Variants in SF3A3 observed in about 807,000 individuals in gnomAD.
SF3A3 encodes SAP 61.
A neutral mutation model predicts 85.8 loss-of-function variants in SF3A3; 9 were observed. That is an observed-to-expected ratio of 0.10 (90% confidence interval 0.06 to 0.18). The LOEUF (loss-of-function observed/expected upper bound fraction) is 0.18, where lower values mean the gene tolerates loss of function less well. Ranked by LOEUF, SF3A3 falls within the 10% of genes least tolerant of loss-of-function variation. The pLI is 1.00. For missense variants in SF3A3, 306 were observed against 593.3 expected (o/e 0.52, Z 5.03); for synonymous variants, 195 against 204.4 (o/e 0.95, Z 0.39).
At chr1:37,964,847 A>C (rs1176539220) in intron 15 of SF3A3, among the ~76,000 whole-genome samples, 1 of 152,040 alleles carries the variant, frequency 6.6e-6, no homozygotes, top group Non-Finnish European at 1.5e-5. Flanking sequence ...GGGCACTTCT[A>C]TTTTTCCCTT....
chr1:37,967,777 T>C lies in SF3A3; in HGVS notation c.1372+267A>G, dbSNP rs531477114. On this transcript the variant is annotated intron_variant, in intron 15 of 16. Transcript: ENST00000373019. ...CGGTAGGCTGAGGCAGGAGAATCGC[T>C]TGCGCCCGGGAGGCAGAGGTTGCAG... Among the ~76,000 whole-genome samples the C allele has an allele frequency of 2.0e-5, 3 of 150,650 alleles. No homozygotes were observed. The South Asian group carries it at 6.3e-4, about 32-fold the overall frequency.
chr1:37,958,616 C>G (rs1014668197), intron 16 of SF3A3, among the ~76,000 whole-genome samples: 1 of 152,186 alleles, frequency 6.6e-6, no homozygotes, highest in African/African-American at 2.4e-5. Context: ...TCAAATGGTT[C>G]CCAAGAATCC....
At chr1:37,962,780 T>TAA (rs5773608) in intron 15 of SF3A3, among the ~76,000 whole-genome samples, 1 of 143,612 alleles carries the variant, frequency 7.0e-6, no homozygotes, top group Non-Finnish European at 1.5e-5. Context: ...CCCTCTAAGT[T>TAA]AAAAAAAAAA....
At chr1:37,981,216 C>A (rs1242094277) in intron 7 of SF3A3, among the ~76,000 whole-genome samples, 1 of 152,052 alleles carries the variant, frequency 6.6e-6, no homozygotes, top group African/African-American at 2.4e-5. Flanking sequence ...TCTGACCTTT[C>A]CCGCCTCCTT....
intron 14 of SF3A3, 103 bp downstream of exon 14, chr1:37,969,251 A>T: frequency 1.2e-6 from 1 of 815,548 alleles, no homozygotes. Flanking sequence ...GATTCCCTTC[A>T]GCTCTGGACA....
intron 1 of SF3A3, 34 bp from the exon 2 acceptor site, chr1:37,989,629 GTT>G: frequency 6.2e-7 from 1 of 1,611,526 alleles, no homozygotes; most frequent in Non-Finnish European, 8.5e-7. Flanking sequence ...AACGCCGTTA[GTT>G]TGCGTTCTGG....
At position 37,957,888 on chromosome 1, in the gene SF3A3, A is replaced by G; in HGVS notation, c.*298T>C. On this transcript the variant is annotated 3_prime_UTR_variant, in exon 17 of 17. Coordinates refer to ENST00000373019, the MANE Select transcript of SF3A3 (RefSeq NM_006802.4). Reference sequence around the variant, plus strand: ...TGCCCATTAAATCTCAGCTACTAGTAAAGTTGGTGAGGAAGAGGTATGGAG... The same window carrying G: ...TGCCCATTAAATCTCAGCTACTAGTGAAGTTGGTGAGGAAGAGGTATGGAG... 2 of 304,732 alleles carry G rather than the reference A, an allele frequency of 6.6e-6. No individual in the cohort carries two copies. Among genetic ancestry groups the G allele is most frequent in the Non-Finnish European group, 1.2e-5 (2 of 165,332 alleles). 18.9% of individuals were successfully genotyped at this position (304,732 alleles called of 1,614,324 possible).
At chr1:37,970,586 A>G (rs1213377045) in intron 12 of SF3A3, among the ~76,000 whole-genome samples, 2 of 152,052 alleles carry the variant, frequency 1.3e-5, no homozygotes, top group Non-Finnish European at 2.9e-5. Flanking sequence ...ACTTATTCCA[A>G]AATTGACCAC....
intron 11 of SF3A3, among the ~76,000 whole-genome samples, chr1:37,978,221 C>T (rs1646393213): frequency 6.6e-6 from 1 of 151,614 alleles, no homozygotes; most frequent in African/African-American, 2.4e-5. Context: ...TGCCTGTAGT[C>T]CCAGCTACTC....
In SF3A3 at chr1:37,986,946, T is replaced by C. The variant is rs79332167; in HGVS notation, c.303+627A>G. Among the ~76,000 whole-genome samples the C allele has an allele frequency of 3.1e-3, 468 of 151,206 alleles. 17 individuals carry two copies. In the East Asian group the frequency reaches 0.084, roughly 27 times the overall value. Reference sequence around the variant, plus strand: ...AGACCACAATGCAGATTGGACAAAATCTTGACCAACCCAACGGGGAGCCAT... The same window carrying C: ...AGACCACAATGCAGATTGGACAAAACCTTGACCAACCCAACGGGGAGCCAT... On this transcript the variant is annotated intron_variant, in intron 4 of 16. Coordinates refer to ENST00000373019, the MANE Select transcript of SF3A3 (RefSeq NM_006802.4).
At chr1:37,968,325 C>A (rs910704023) in intron 14 of SF3A3, among the ~76,000 whole-genome samples, 191 bp from the exon 15 acceptor site, 1 of 152,176 alleles carries the variant, frequency 6.6e-6, no homozygotes, top group East Asian at 1.9e-4. Context: ...CAAAGCAGCA[C>A]TGCATTGTTT....
At chr1:37,978,958 G>C (rs772745167) in intron 10 of SF3A3, 30 bp downstream of exon 10, 3 of 1,589,104 alleles carry the variant, frequency 1.9e-6, no homozygotes, top group Admixed American at 1.7e-5. Context: ...ACAGTAAATC[G>C]ATAGTTTTGA....
At chr1:37,971,260 A>C (rs1384728383) in intron 12 of SF3A3, among the ~76,000 whole-genome samples, 3 of 152,198 alleles carry the variant, frequency 2.0e-5, no homozygotes, top group African/African-American at 4.8e-5. Flanking sequence ...ATCTAGAAGA[A>C]ATGGATAAAT....
chr1:37,963,769 G>A (rs1646278794), intron 15 of SF3A3, among the ~76,000 whole-genome samples: 1 of 148,886 alleles, frequency 6.7e-6, no homozygotes, highest in Non-Finnish European at 1.5e-5. Context: ...TGTGAGCTAG[G>A]ATGGTCTCGA....
At chr1:37,965,753 G>A (rs968461587) in intron 15 of SF3A3, among the ~76,000 whole-genome samples, 5 of 135,260 alleles carry the variant, frequency 3.7e-5, no homozygotes, top group African/African-American at 1.4e-4. Flanking sequence ...GAAGCCCAAG[G>A]TTCAAGCTGA....
chr1:37,989,424 GAGCCCGCGACT>G, intron 2 of SF3A3, 113 bp downstream of exon 2: 5 of 980,772 alleles, frequency 5.1e-6, no homozygotes, highest in Non-Finnish European at 7.5e-6. Flanking sequence ...TCCAGGCAGA[GAGCCCGCGACT>G]GGCCAATCCG....
In SF3A3 at chr1:37,965,691, T is replaced by C. The variant is rs530197224; in HGVS notation, c.1372+2353A>G. On this transcript the variant is annotated intron_variant, in intron 15 of 16. Coordinates refer to ENST00000373019, the MANE Select transcript of SF3A3 (RefSeq NM_006802.4). ...ATCACTTGAGCCTGGGAGGCAGAGATTGCAGTGAGCTGTGATGGCACAACT... is the reference window on the plus strand; with the variant it reads ...ATCACTTGAGCCTGGGAGGCAGAGACTGCAGTGAGCTGTGATGGCACAACT... 4.0e-5 allele frequency among the ~76,000 whole-genome samples: 6 copies of C among 151,674 alleles called. No homozygotes were observed. The East Asian group carries it at 9.8e-4, about 25-fold the overall frequency.
rs534539612 is a variant in SF3A3, at chr1:37,962,500, G to A, written c.1373-2325C>T. ...TGCCTGTAATCCCTGCTACTTGGGA[G>A]GCTGAGGCAGGAGAATCGCTTGAAC... is the stretch of plus-strand genomic sequence containing the variant. On this transcript the variant is annotated intron_variant, in intron 15 of 16. Transcript: ENST00000373019. Among the ~76,000 whole-genome samples the A allele has an allele frequency of 2.0e-5, 3 of 150,972 alleles. No individual in the cohort carries two copies. The South Asian group carries it at 6.3e-4, about 32-fold the overall frequency.
chr1:37,988,189 C>T (rs1646469006), intron 2 of SF3A3, among the ~76,000 whole-genome samples: 1 of 152,180 alleles, frequency 6.6e-6, no homozygotes, highest in African/African-American at 2.4e-5. Context: ...ACCTAACATC[C>T]TCAAAGATAA....
Sources: allele counts gnomAD v4.1 joint callset (sites outside exome capture counted in the v4.1 genomes callset), GRCh38; gene constraint gnomAD v4.1.1; transcripts MANE v1.5; gene names NCBI Gene and HGNC (gene_info 2026-07-23, HGNC 2026-07-21).